Variants in MOV10L1 observed in about 807,000 individuals in gnomAD.
The protein encoded by MOV10L1 is Mov10 like RNA helicase 1.
MOV10L1 carries 110 observed loss-of-function variants against 143.8 expected under a neutral mutation model. That is an observed-to-expected ratio of 0.76 (90% CI 0.66 to 0.90). The LOEUF (loss-of-function observed/expected upper bound fraction) is 0.90. Among genes scored for constraint, MOV10L1 ranks in the 40% least tolerant of loss-of-function variants. The pLI, the probability that MOV10L1 is intolerant of heterozygous loss-of-function variation, is 0.00. For missense variants in MOV10L1, 1,406 were observed against 1,526.8 expected (o/e 0.92, Z 1.32); for synonymous variants, 593 against 581.1 (o/e 1.02, Z -0.29).
chr22:50,099,370 G>A, intron 2 of MOV10L1, 73 bp from the exon 3 acceptor site: 1 of 1,542,762 alleles, frequency 6.5e-7, no homozygotes, highest in Non-Finnish European at 8.8e-7. Flanking sequence ...GTCTCAGACA[G>A]GCATGCCAGC....
chr22:50,094,940 A>T (rs1321541140), intron 2 of MOV10L1: 1 of 152,218 alleles, frequency 6.6e-6, no homozygotes, highest in Non-Finnish European at 1.5e-5. Flanking sequence ...AATGCAACTT[A>T]CAGCCAGGCG....
rs370161488 is a variant in MOV10L1 at position 50,125,471 on chromosome 22, A to G, written c.1649A>G (p.Lys550Arg). Residue 550 changes from lysine to arginine, a missense_variant, in exon 11 of 27, where the codon AAA (lysine) becomes AGA (arginine). Transcript: ENST00000262794. ...GAGATTTATGCAGAAATGGAACTGA[A>G]AGAGTATAACATGAGCGGGATCATC... Reference protein sequence around the residue: ...LEEIYAEMELKEYNMSGIILR... With the variant: ...LEEIYAEMELREYNMSGIILR... The G allele has an allele frequency of 3.2e-5, 51 of 1,614,062 alleles. No individual in the cohort carries two copies. Among genetic ancestry groups the G allele is most frequent in the African/African-American group, 2.3e-4 (17 of 74,922 alleles).
chr22:50,147,665 G>A (rs544734254), intron 19 of MOV10L1, among the ~76,000 whole-genome samples: 130 of 152,214 alleles, frequency 8.5e-4, no homozygotes, highest in Non-Finnish European at 1.4e-3. Context: ...GGCTGGAGTG[G>A]GGAGGGGCAC....
At chr22:50,090,400 C>T (rs2062397692) in intron 1 of MOV10L1, 1 of 1,564,506 alleles carries the variant, frequency 6.4e-7, no homozygotes, top group Non-Finnish European at 8.7e-7. Context: ...TCTGTGAGGT[C>T]TCTCCGGTGA....
Position 50,115,377 on chromosome 22 carries a change from C to T in MOV10L1, c.1259+131C>T, listed in dbSNP as rs2062144192. ...ACCAGGAGTTCGAAACCAGCCTGGC[C>T]ACCATGGCGAAACCCCGCCTCTACT... On this transcript the variant is annotated intron_variant, in intron 8 of 26. Transcript: ENST00000262794. The T allele has an allele frequency of 7.5e-6, 8 of 1,070,982 alleles. No homozygotes were observed. The South Asian group carries it at 2.2e-4, about 30-fold the overall frequency. The allele number at this position is 1,070,982 out of a possible 1,614,324, so 66.3% of individuals were successfully genotyped here. A position where few individuals can be genotyped will look rare whatever the true frequency, so the allele number is the denominator to read the frequency against.
In MOV10L1 at chr22:50,160,954, T is replaced by A; in HGVS notation, c.3463-10T>A. ...TGCTCTCACACCAGGCTAATTGTTA[T>A]TGCCAACAGGACCCCTGTTTTGGTG... is the stretch of plus-strand genomic sequence containing the variant. On this transcript the variant is annotated splice_polypyrimidine_tract_variant and intron_variant, in intron 25 of 26. Transcript: ENST00000262794. The A allele has an allele frequency of 6.2e-7, 1 of 1,614,136 alleles. No individual in the cohort carries two copies. The highest frequency in any genetic ancestry group is 8.5e-7 in the Non-Finnish European group (1 of 1,179,988).
intron 8 of MOV10L1, 96 bp downstream of exon 8, chr22:50,115,342 A>G (rs946321661): frequency 7.5e-7 from 1 of 1,342,266 alleles, no homozygotes; most frequent in Non-Finnish European, 9.7e-7. Flanking sequence ...TGGCGGGTGG[A>G]TCACCTGAGA....
intron 10 of MOV10L1, among the ~76,000 whole-genome samples, chr22:50,123,612 T>C (rs1267811826): frequency 6.6e-6 from 1 of 152,232 alleles, no homozygotes; most frequent in East Asian, 1.9e-4. Context: ...GGTCTGTAGT[T>C]TTCTTTTCCT....
chr22:50,149,480 C>T (rs1029561498), intron 19 of MOV10L1, 135 bp from the exon 20 acceptor site: 5 of 735,682 alleles, frequency 6.8e-6, no homozygotes, highest in African/African-American at 1.8e-5. Flanking sequence ...GACACCCAGA[C>T]CCCCAGCTCC....
chr22:50,143,808 G>A (rs5771190), intron 17 of MOV10L1, among the ~76,000 whole-genome samples: 19,291 of 152,238 alleles, frequency 0.13, 1,509 homozygotes, highest in East Asian at 0.24. Context: ...GGTATTGAGC[G>A]CACAATTGTA....
chr22:50,137,576 G>A (rs569595740), intron 15 of MOV10L1, among the ~76,000 whole-genome samples: 111 of 151,948 alleles, frequency 7.3e-4, no homozygotes, highest in Non-Finnish European at 1.0e-4. Context: ...GTGGTGGCAT[G>A]TGCCTGTAGA....
chr22:50,143,952 C>T (rs1432288389), intron 17 of MOV10L1, 145 bp from the exon 18 acceptor site: 9 of 1,052,624 alleles, frequency 8.6e-6, no homozygotes, highest in Non-Finnish European at 1.2e-5. Flanking sequence ...AGAGTCGTGG[C>T]CCAGGTCTCA....
At chr22:50,105,831 A>C (rs2061852008) in intron 3 of MOV10L1, among the ~76,000 whole-genome samples, 1 of 152,228 alleles carries the variant, frequency 6.6e-6, no homozygotes, top group Non-Finnish European at 1.5e-5. Context: ...TTTCGTTGTC[A>C]TGAGCTTTGT....
chr22:50,151,949 G>A (rs1340462425), intron 21 of MOV10L1, among the ~76,000 whole-genome samples: 1 of 152,272 alleles, frequency 6.6e-6, no homozygotes, highest in Middle Eastern at 3.2e-3. Context: ...CCAGGAGGCT[G>A]CATGCTTCCT....
chr22:50,109,670 C>CAAA (rs35087419), intron 5 of MOV10L1: 61 of 107,400 alleles, frequency 5.7e-4, no homozygotes, highest in South Asian at 2.4e-3. Flanking sequence ...GACTCCTTCT[C>CAAA]AAAAAAAAAA....
chr22:50,106,850 T>C (rs4838834), intron 3 of MOV10L1, among the ~76,000 whole-genome samples: 33,754 of 151,132 alleles, frequency 0.22, 4,053 homozygotes, highest in Admixed American at 0.35. Flanking sequence ...CACAGGCGCC[T>C]GCCACCACGC....
chr22:50,140,559 G>GA (rs1205624725), intron 15 of MOV10L1, among the ~76,000 whole-genome samples: 2 of 152,004 alleles, frequency 1.3e-5, no homozygotes, highest in Non-Finnish European at 1.5e-5. Flanking sequence ...CTGATGAGCT[G>GA]AAAAAAATAT....
At chr22:50,119,580 C>G (rs536435832) in intron 9 of MOV10L1, among the ~76,000 whole-genome samples, 1 of 151,838 alleles carries the variant, frequency 6.6e-6, no homozygotes, top group South Asian at 2.1e-4. Flanking sequence ...GTTAGCTGTT[C>G]AGGCTGTTGA....
chr22:50,114,813 A>G (rs1223742706), intron 7 of MOV10L1, among the ~76,000 whole-genome samples, 191 bp downstream of exon 7: 1 of 152,224 alleles, frequency 6.6e-6, no homozygotes, highest in African/African-American at 2.4e-5. Flanking sequence ...AAGCAGCTTG[A>G]CAAATACCAA....
Sources: gnomAD v4.1 joint callset for allele counts (sites outside exome capture counted in the v4.1 genomes callset) on GRCh38, gnomAD v4.1.1 for gene constraint, MANE v1.5 for transcripts, NCBI Gene and HGNC (gene_info 2026-07-23, HGNC 2026-07-21) for gene names.